The following FERMT1 variants were observed in gnomAD, a reference collection of about 807,000 sequenced individuals.
The protein encoded by FERMT1 is FERM domain containing kindlin 1.
A neutral mutation model predicts 85.3 loss-of-function variants in FERMT1; 60 were observed. That is an observed-to-expected ratio of 0.70 (90% confidence interval 0.57 to 0.87). FERMT1 has a LOEUF of 0.87. Among genes scored for constraint, FERMT1 ranks in the 40% least tolerant of loss-of-function variants. The pLI, the probability that FERMT1 is intolerant of heterozygous loss-of-function variation, is 0.00. For missense variants in FERMT1, 701 were observed against 818.9 expected (o/e 0.86, Z 1.76); for synonymous variants, 275 against 301.1 (o/e 0.91, Z 0.90).
chr20:6,110,586 C>G, intron 4 of FERMT1, 75 bp from the exon 5 acceptor site: 1 of 1,166,994 alleles, frequency 8.6e-7, no homozygotes, highest in East Asian at 2.3e-5. Flanking sequence ...ATTAACATTA[C>G]TTACACTAAA....
intron 6 of FERMT1, among the ~76,000 whole-genome samples, chr20:6,098,640 A>G (rs746544582): frequency 5.9e-5 from 9 of 152,092 alleles, no homozygotes; most frequent in Non-Finnish European, 1.2e-4. Context: ...ATTCAACACT[A>G]TAAACAGTGT....
At chr20:6,099,776 G>T (rs1385705197) in intron 6 of FERMT1, among the ~76,000 whole-genome samples, 1 of 150,254 alleles carries the variant, frequency 6.7e-6, no homozygotes, top group Non-Finnish European at 1.5e-5. Flanking sequence ...CAGGAGGATT[G>T]CCTGAGGCCA....
At position 6,112,503 on chromosome 20, in the gene FERMT1, C is replaced by T. The variant is rs1346874528; in HGVS notation, c.506G>A (p.Ser169Asn). 6.2e-7 allele frequency: 1 copy of T among 1,613,644 alleles called. No individual in the cohort carries two copies. Among genetic ancestry groups the T allele is most frequent in the Non-Finnish European group, 8.5e-7 (1 of 1,179,752 alleles). ...PIIEDILNLE[S>N]SPTASGSSVS... ...TGATGAACCTGAAGCTGTTGGAGAA[C>T]TCTCCAGGTTTAGAATATCTTCAAT... Residue 169 changes from serine (S) to asparagine (N), a missense_variant, in exon 4 of 15, where the codon AGT (serine) becomes AAT (asparagine). Transcript: ENST00000217289.
chr20:6,122,566 C>T (rs947780668), intron 1 of FERMT1, among the ~76,000 whole-genome samples: 2 of 152,220 alleles, frequency 1.3e-5, no homozygotes, highest in Non-Finnish European at 2.9e-5. Flanking sequence ...ATTAAGGCAG[C>T]ACCTGCGGCT....
At position 6,084,059 on chromosome 20, in the gene FERMT1, G is replaced by C; in HGVS notation, c.1699C>G (p.Leu567Val). The change falls in exon 13 of 15, where the codon CTC becomes GTC. Residue 567 changes from leucine to valine, a missense_variant. By Grantham distance (32) the Leu-to-Val change is conservative. Coordinates refer to ENST00000217289, the MANE Select transcript of FERMT1 (RefSeq NM_017671.5). ...AATCACCTGACAAGGTAGTAGGTGA[G>C]GCCAAACTCAGGCAGTGACTGCCAC... Reference protein sequence around the residue: ...QAWQSLPEFGLTYYLVRFKGS... With the variant: ...QAWQSLPEFGVTYYLVRFKGS... 1 of 1,614,182 alleles carries C rather than the reference G, an allele frequency of 6.2e-7. No individual in the cohort carries two copies. Among genetic ancestry groups the C allele is most frequent in the Non-Finnish European group, 8.5e-7 (1 of 1,180,024 alleles).
intron 6 of FERMT1, among the ~76,000 whole-genome samples, chr20:6,103,427 T>G (rs1022874772): frequency 3.3e-5 from 5 of 152,220 alleles, no homozygotes; most frequent in Admixed American, 3.3e-4. Flanking sequence ...AACTGTGCTA[T>G]AAACACCTAG....
rs969181299 is a variant in FERMT1 at position 6,076,055 on chromosome 20, A to G, written c.*1118T>C. 2 of 156,974 alleles carry G rather than the reference A, an allele frequency of 1.3e-5. No individual in the cohort carries two copies. The highest frequency in any genetic ancestry group is 4.8e-5 in the African/African-American group (2 of 41,538). 9.7% of individuals were successfully genotyped at this position (156,974 alleles called of 1,614,324 possible). A position where few individuals can be genotyped will look rare whatever the true frequency, so the allele number is the denominator to read the frequency against. ...GAAAAAAGTCTATTATTGGCTTGTGATTTACAAAAGCCAAAGTCCTTTAGA... is the reference window on the plus strand; with the variant it reads ...GAAAAAAGTCTATTATTGGCTTGTGGTTTACAAAAGCCAAAGTCCTTTAGA... On this transcript the variant is annotated 3_prime_UTR_variant, in exon 15 of 15. Coordinates refer to ENST00000217289, the MANE Select transcript of FERMT1 (RefSeq NM_017671.5).
intron 8 of FERMT1, 101 bp downstream of exon 8, chr20:6,096,801 T>TTTTTA: frequency 2.2e-6 from 2 of 925,438 alleles, no homozygotes; most frequent in Admixed American, 2.5e-5. Flanking sequence ...TTTTTTTTTT[T>TTTTTA]CAAAATCAGA....
intron 6 of FERMT1, among the ~76,000 whole-genome samples, chr20:6,099,515 A>G (rs149716882): frequency 4.7e-4 from 72 of 152,326 alleles, no homozygotes; most frequent in Non-Finnish European, 7.9e-4. Flanking sequence ...ATACTGGATG[A>G]CTTCACTTAT....
chr20:6,089,886 G>C (rs1022550964), intron 9 of FERMT1, among the ~76,000 whole-genome samples: 2 of 152,314 alleles, frequency 1.3e-5, no homozygotes, highest in South Asian at 2.1e-4. Context: ...AATGAGCTAG[G>C]GGGAGGACAG....
At position 6,076,916 on chromosome 20, in the gene FERMT1, T is replaced by C; in HGVS notation, c.*257A>G. On this transcript the variant is annotated 3_prime_UTR_variant, in exon 15 of 15. Coordinates refer to ENST00000217289, the MANE Select transcript of FERMT1 (RefSeq NM_017671.5). ...AACCACATGCTGGGCCTTAGAGCAATCTTAGGGCACCTGCTTTTCTCCTGC... is the reference window on the plus strand; with the variant it reads ...AACCACATGCTGGGCCTTAGAGCAACCTTAGGGCACCTGCTTTTCTCCTGC... The C allele has an allele frequency of 1.9e-6, 1 of 533,574 alleles. No individual in the cohort carries two copies. Among genetic ancestry groups the C allele is most frequent in the Non-Finnish European group, 3.4e-6 (1 of 294,870 alleles). 33.1% of individuals were successfully genotyped at this position (533,574 alleles called of 1,614,324 possible).
At position 6,077,338 on chromosome 20, in the gene FERMT1, G is replaced by A. The variant is rs1418151624; in HGVS notation, c.1869C>T (p.Ile623=). 2.5e-6 allele frequency: 4 copies of A among 1,614,078 alleles called. No individual in the cohort carries two copies. The highest frequency in any genetic ancestry group is 1.3e-5 in the African/African-American group (1 of 75,018). ...NVNWETRQVV[I]EFDQNVFTAF... is the part of the protein sequence containing the mutation. ...CAGTAAAGACGTTTTGGTCAAACTC[G>A]ATGACCACCTGGAAGAGGAAGGCAC... The change falls in exon 15 of 15, where the codon ATC becomes ATT. Residue 623 remains isoleucine, a synonymous_variant. Coordinates refer to ENST00000217289, the MANE Select transcript of FERMT1 (RefSeq NM_017671.5).
At position 6,076,966 on chromosome 20, in the gene FERMT1, G is replaced by GA. The variant is rs1981842058; in HGVS notation, c.*206dup. On this transcript the variant is annotated 3_prime_UTR_variant, in exon 15 of 15. Coordinates refer to ENST00000217289, the MANE Select transcript of FERMT1 (RefSeq NM_017671.5). The stretch of plus-strand genomic sequence containing the variant: ...CCTACCCATTTTATAGAAAAAACAA[G>GA]AGAGGCTCCTTCCGTGGCTGGTAGC... 1.7e-6 allele frequency: 1 copy of GA among 599,046 alleles called. No homozygotes were observed. Among genetic ancestry groups the GA allele is most frequent in the African/African-American group, 1.9e-5 (1 of 53,804 alleles). 37.1% of individuals were successfully genotyped at this position (599,046 alleles called of 1,614,324 possible). A position where few individuals can be genotyped will look rare whatever the true frequency, so the allele number is the denominator to read the frequency against.
At chr20:6,095,184 G>C (rs1234989520) in intron 8 of FERMT1, among the ~76,000 whole-genome samples, 196 bp from the exon 9 acceptor site, 1 of 152,204 alleles carries the variant, frequency 6.6e-6, no homozygotes, top group Admixed American at 6.5e-5. Context: ...GGGTGTGGGA[G>C]TAAGGAGGAT....
intron 3 of FERMT1, among the ~76,000 whole-genome samples, chr20:6,114,305 G>C (rs1983039600): frequency 6.6e-6 from 1 of 152,148 alleles, no homozygotes; most frequent in Non-Finnish European, 1.5e-5. Flanking sequence ...TGTCTTTTCT[G>C]TTCTTCAAGG....
Position 6,110,502 on chromosome 20 carries a change from C to G in FERMT1, c.542G>C (p.Gly181Ala), listed in dbSNP as rs1267110744. 1.2e-6 allele frequency: 2 copies of G among 1,613,716 alleles called. No homozygotes were observed. The highest frequency in any genetic ancestry group is 4.5e-5 in the East Asian group (2 of 44,882). ...AGGGGTCATGGTTTTACTGTATAAACCAGGACTTACTGCAAGGCAGGGGGA... is the reference window on the plus strand; with the variant it reads ...AGGGGTCATGGTTTTACTGTATAAAGCAGGACTTACTGCAAGGCAGGGGGA... ...PTASGSSVSP[G>A]LYSKTMTPIY... is the part of the protein sequence containing the mutation. Residue 181 changes from glycine (G) to alanine (A), a missense_variant, in exon 5 of 15, where the codon GGT becomes GCT. By Grantham distance (60) the Gly-to-Ala change is moderately conservative. Transcript: ENST00000217289.
chr20:6,076,311 T>A lies in FERMT1; in HGVS notation c.*862A>T, dbSNP rs1180680497. 7.5e-6 allele frequency: 3 copies of A among 399,774 alleles called. No homozygotes were observed. The highest frequency in any genetic ancestry group is 1.5e-5 in the Non-Finnish European group (3 of 199,446). The allele number at this position is 399,774 out of a possible 1,614,324, so 24.8% of individuals were successfully genotyped here. ...AATCCTTGACACTGGCAGGTGTTTC[T>A]ATGAACAGAGAGGACTGTGCCTGTC... On this transcript the variant is annotated 3_prime_UTR_variant, in exon 15 of 15. Transcript: ENST00000217289.
intron 2 of FERMT1, among the ~76,000 whole-genome samples, chr20:6,117,686 C>T (rs758111061): frequency 6.6e-6 from 1 of 151,944 alleles, no homozygotes; most frequent in South Asian, 2.1e-4. Flanking sequence ...CCCACCTCAG[C>T]CTTCCAAAGT....
At position 6,104,618 on chromosome 20, in the gene FERMT1, G is replaced by T. The variant is rs1368791731; in HGVS notation, c.849+2914C>A. ...TTGGGTTGACAGTTTCTGTGTGGCT[G>T]TTAGATTCAAATCGGTTTCACTTTT... On this transcript the variant is annotated intron_variant, in intron 6 of 14. Transcript: ENST00000217289. The surrounding 1 kb of genome is among the most constrained non-coding windows in gnomAD (Gnocchi z 4.2). 6.6e-6 allele frequency among the ~76,000 whole-genome samples: 1 copy of T among 152,322 alleles called. No individual in the cohort carries two copies. The highest frequency in any genetic ancestry group is 1.9e-4 in the East Asian group (1 of 5,182).
Sources: gnomAD v4.1 joint callset for allele counts (sites outside exome capture counted in the v4.1 genomes callset) on GRCh38, gnomAD v4.1.1 for gene constraint, Gnocchi (gnomAD v3.1) non-coding constraint, MANE v1.5 for transcripts, NCBI Gene and HGNC (gene_info 2026-07-23, HGNC 2026-07-21) for gene names.